The following BAALC variants were observed in gnomAD, a reference collection of about 807,000 sequenced individuals.
The protein encoded by BAALC is brain and acute leukemia cytoplasmic protein.
In BAALC, 9 loss-of-function variants were observed where a neutral mutation model predicts 15.5. The ratio of observed to expected loss-of-function variants is 0.58; its 90% CI spans 0.35 to 1.02. The LOEUF (loss-of-function observed/expected upper bound fraction) is 1.02. BAALC is among the 50% of genes least tolerant of loss of function. BAALC has a pLI of 0.02. For synonymous variants in BAALC, 80 were observed against 74.6 expected (o/e 1.07, Z -0.37); for missense variants, 201 against 192.4 (o/e 1.04, Z -0.27).
At chr8:103,198,733 G>A (rs1812149337) in intron 1 of BAALC, among the ~76,000 whole-genome samples, 2 of 151,712 alleles carry the variant, frequency 1.3e-5, no homozygotes, top group Admixed American at 6.6e-5. Context: ...GTGAAACCCT[G>A]TCTGTATTAA....
chr8:103,206,794 TG>T lies in BAALC; in HGVS notation c.161-6121del, dbSNP rs1812342159. 2.6e-5 allele frequency among the ~76,000 whole-genome samples: 4 copies of T among 152,116 alleles called. No individual in the cohort carries two copies. The South Asian group carries it at 8.3e-4, about 32-fold the overall frequency. ...GAAGGAGGGAGGGAGAGAAGCAGGA[TG>T]GGGCAGGACAAGGAGCTGAGCAAAG... is the stretch of plus-strand genomic sequence containing the variant. On this transcript the variant is annotated intron_variant, in intron 1 of 2. Transcript: ENST00000309982.
intron 1 of BAALC, among the ~76,000 whole-genome samples, chr8:103,178,821 C>T (rs1811661173): frequency 6.6e-6 from 1 of 150,500 alleles, no homozygotes; most frequent in Non-Finnish European, 1.5e-5. Context: ...CAAGATTGCA[C>T]CACTGCACTC....
At chr8:103,163,822 A>G (rs1164696081) in intron 1 of BAALC, among the ~76,000 whole-genome samples, 2 of 152,064 alleles carry the variant, frequency 1.3e-5, no homozygotes, top group African/African-American at 2.4e-5. Flanking sequence ...AATTTTGTGT[A>G]TTTATCACAC....
intron 1 of BAALC, among the ~76,000 whole-genome samples, chr8:103,143,767 A>G (rs560722073): frequency 6.6e-6 from 1 of 152,264 alleles, no homozygotes; most frequent in East Asian, 1.9e-4. Flanking sequence ...TCTGTGCTGA[A>G]CACATCTGGG....
chr8:103,149,983 C>T (rs187269743), intron 1 of BAALC, among the ~76,000 whole-genome samples: 6 of 152,110 alleles, frequency 3.9e-5, no homozygotes, highest in Non-Finnish European at 7.4e-5. Flanking sequence ...ATGCTGCCGA[C>T]GAAGACACAC....
intron 1 of BAALC, among the ~76,000 whole-genome samples, chr8:103,173,012 G>C (rs1160575554): frequency 6.6e-6 from 1 of 152,192 alleles, no homozygotes; most frequent in Non-Finnish European, 1.5e-5. Flanking sequence ...TATGGAAACT[G>C]AATCACAAAC....
chr8:103,173,826 A>T (rs977768971), intron 1 of BAALC, among the ~76,000 whole-genome samples: 1 of 152,256 alleles, frequency 6.6e-6, no homozygotes, highest in Non-Finnish European at 1.5e-5. Flanking sequence ...TTGAATTGGA[A>T]TATTAAGTAA....
chr8:103,159,897 C>G lies in BAALC; in HGVS notation c.160+18840C>G, dbSNP rs541052552. On this transcript the variant is annotated intron_variant, in intron 1 of 2. Transcript: ENST00000309982. ...GCCTGGGCACCTAGGCTGCTTGTTG[C>G]TACTGGGTTGGCTGTTGTTTATATC... Among the ~76,000 whole-genome samples, 3 of 152,286 alleles carry G rather than the reference C, an allele frequency of 2.0e-5. No individual in the cohort carries two copies. The South Asian group carries it at 6.2e-4, about 32-fold the overall frequency.
intron 2 of BAALC, among the ~76,000 whole-genome samples, chr8:103,218,713 T>C (rs1229690693): frequency 1.3e-5 from 2 of 152,172 alleles, no homozygotes; most frequent in Admixed American, 6.5e-5. Context: ...TGCTTTATTA[T>C]TCTTGACAAA....
rs142990204 is a variant in BAALC, at chr8:103,186,468, G to A, written c.161-26451G>A. ...GCCCCTCAGCGTTAGACATAAAAGC[G>A]CCAATAAAATGCAGTGAATAAATGG... is the stretch of plus-strand genomic sequence containing the variant. On this transcript the variant is annotated intron_variant, in intron 1 of 2. Transcript: ENST00000309982. Among the ~76,000 whole-genome samples, 73 of 152,204 alleles carry A rather than the reference G, an allele frequency of 4.8e-4. 1 individual carries two copies. In the East Asian group the frequency reaches 0.012, roughly 25 times the overall value.
rs143228563 is a variant in BAALC at position 103,197,224 on chromosome 8, C to T, written c.161-15695C>T. Among the ~76,000 whole-genome samples the T allele has an allele frequency of 4.0e-3, 600 of 151,238 alleles. 4 individuals carry two copies. The highest frequency in any genetic ancestry group is 7.4e-3 in the Non-Finnish European group (499 of 67,590). On this transcript the variant is annotated intron_variant, in intron 1 of 2. Transcript: ENST00000309982. ...AATAATGTAAGTTAACACAAATGCA[C>T]GTGAAAGGAAAGGTTTTAGAGTCTG...
intron 1 of BAALC, among the ~76,000 whole-genome samples, chr8:103,146,760 C>T (rs1260748894): frequency 6.6e-6 from 1 of 152,212 alleles, no homozygotes; most frequent in Non-Finnish European, 1.5e-5. Context: ...TTTTGCCAAA[C>T]ACAAGCCTTT....
At chr8:103,162,252 A>C (rs1445304059) in intron 1 of BAALC, among the ~76,000 whole-genome samples, 1 of 152,206 alleles carries the variant, frequency 6.6e-6, no homozygotes, top group African/African-American at 2.4e-5. Flanking sequence ...ATGAGCCACC[A>C]TGCCCAGCTT....
chr8:103,194,967 C>T (rs141753099), intron 1 of BAALC, among the ~76,000 whole-genome samples: 132 of 152,286 alleles, frequency 8.7e-4, no homozygotes, highest in East Asian at 8.1e-3. Flanking sequence ...TAAGTTTCAA[C>T]ATGAATTTTG....
intron 1 of BAALC, among the ~76,000 whole-genome samples, chr8:103,157,516 A>T (rs1811123677): frequency 6.6e-6 from 1 of 152,130 alleles, no homozygotes; most frequent in Non-Finnish European, 1.5e-5. Context: ...ACTCTTTTAA[A>T]AAGATATTGG....
In BAALC at chr8:103,179,616, T is replaced by G. The variant is rs576518587; in HGVS notation, c.161-33303T>G. On this transcript the variant is annotated intron_variant, in intron 1 of 2. Transcript: ENST00000309982. ...GCTCGGCTAAAGTCACATAGCTAGT[T>G]CATGTGGGTGTGTCCAATTCAATCC... Among the ~76,000 whole-genome samples the G allele has an allele frequency of 2.6e-5, 4 of 152,322 alleles. No homozygotes were observed. In the South Asian group the frequency reaches 8.3e-4, roughly 32 times the overall value.
At chr8:103,145,200 T>A (rs1810854386) in intron 1 of BAALC, among the ~76,000 whole-genome samples, 1 of 152,250 alleles carries the variant, frequency 6.6e-6, no homozygotes, top group Non-Finnish European at 1.5e-5. Flanking sequence ...GGATGGAATA[T>A]CTTTTCCCTA....
intron 1 of BAALC, among the ~76,000 whole-genome samples, chr8:103,194,303 A>C (rs1812041935): frequency 6.6e-6 from 1 of 152,260 alleles, no homozygotes; most frequent in African/African-American, 2.4e-5. Flanking sequence ...TCTAGCAAAC[A>C]AGAATCTTTT....
At chr8:103,190,852 T>C (rs1811950403) in intron 1 of BAALC, 1 of 152,246 alleles carries the variant, frequency 6.6e-6, no homozygotes, top group African/African-American at 2.4e-5. Flanking sequence ...AAATCCCAGT[T>C]GAGATGAACG....
Sources: gnomAD v4.1 joint callset for allele counts (sites outside exome capture counted in the v4.1 genomes callset) on GRCh38, gnomAD v4.1.1 for gene constraint, MANE v1.5 for transcripts, NCBI Gene and HGNC (gene_info 2026-07-23, HGNC 2026-07-21) for gene names.